The following HDAC9 variants were observed in gnomAD, a reference collection of about 807,000 sequenced individuals.
HDAC9 encodes the protein MEF-2 interacting transcription repressor (MITR) protein.
Under a neutral mutation model 139.4 loss-of-function variants are expected in HDAC9, and 41 were observed. The ratio of observed to expected loss-of-function variants is 0.29; its 90% CI spans 0.23 to 0.38. The LOEUF (loss-of-function observed/expected upper bound fraction) is 0.38, where lower values mean the gene tolerates loss of function less well. Ranked by LOEUF, HDAC9 falls within the 10% of genes least tolerant of loss-of-function variation. HDAC9 has a pLI of 1.00. For missense variants in HDAC9, 1,147 were observed against 1,297.0 expected (o/e 0.88, Z 1.78); for synonymous variants, 517 against 476.2 (o/e 1.09, Z -1.12).
At chr7:18,760,017 A>G (rs552257843) in intron 14 of HDAC9, among the ~76,000 whole-genome samples, 13 of 152,328 alleles carry the variant, frequency 8.5e-5, no homozygotes, top group Admixed American at 5.2e-4. Context: ...TATGATAGTC[A>G]TCAAAACATG....
At chr7:18,130,299 A>G (rs942910027) in intron 1 of HDAC9, among the ~76,000 whole-genome samples, 1 of 152,142 alleles carries the variant, frequency 6.6e-6, no homozygotes, top group Non-Finnish European at 1.5e-5. Context: ...CTCAACCTGT[A>G]TAAAGGCCCT....
chr7:18,822,268 C>G lies in HDAC9; in HGVS notation c.2323-6893C>G, dbSNP rs112987284. Among the ~76,000 whole-genome samples, 1,351 of 152,232 alleles carry G rather than the reference C, an allele frequency of 8.9e-3. 21 individuals are homozygous for G. The highest frequency in any genetic ancestry group is 0.031 in the African/African-American group (1,292 of 41,528). On this transcript the variant is annotated intron_variant, in intron 17 of 25. Coordinates refer to ENST00000686413, the MANE Select transcript of HDAC9 (RefSeq NM_178425.4). Reference sequence around the variant, plus strand: ...TGAGGCTATCCAGGAGCCCCCAGCCCCCAGTCATCTCATTAACATACAAAA... The same window carrying G: ...TGAGGCTATCCAGGAGCCCCCAGCCGCCAGTCATCTCATTAACATACAAAA...
intron 6 of HDAC9, among the ~76,000 whole-genome samples, chr7:18,607,807 TA>T (rs138309381): frequency 0.053 from 8,095 of 152,184 alleles, 386 homozygotes; most frequent in Admixed American, 0.15. Context: ...AGAGGTGTGA[TA>T]AAAATATATT....
intron 1 of HDAC9, among the ~76,000 whole-genome samples, chr7:18,384,226 G>A (rs1785706005): frequency 6.6e-6 from 1 of 152,028 alleles, no homozygotes; most frequent in African/African-American, 2.4e-5. Flanking sequence ...TGGGAGGATT[G>A]CTTGAACCCA....
At chr7:18,707,581 A>G (rs1214132045) in intron 12 of HDAC9, among the ~76,000 whole-genome samples, 1 of 152,244 alleles carries the variant, frequency 6.6e-6, no homozygotes, top group Non-Finnish European at 1.5e-5. Context: ...TCAAGATGCC[A>G]ACCATTATTC....
chr7:18,789,049 A>T (rs965542847), intron 16 of HDAC9, among the ~76,000 whole-genome samples: 1 of 152,142 alleles, frequency 6.6e-6, no homozygotes, highest in African/African-American at 2.4e-5. Flanking sequence ...AAATAATCAT[A>T]TTCTTTCGAT....
chr7:18,745,883 C>CTTTTTTT (rs752292349), intron 13 of HDAC9, among the ~76,000 whole-genome samples: 67 of 99,462 alleles, frequency 6.7e-4, no homozygotes, highest in African/African-American at 1.1e-3. Context: ...TCTTCTTCTT[C>CTTTTTTT]TTTTTTTTTT....
At chr7:18,292,007 A>G (rs925463090) in intron 1 of HDAC9, among the ~76,000 whole-genome samples, 1 of 152,130 alleles carries the variant, frequency 6.6e-6, no homozygotes, top group Non-Finnish European at 1.5e-5. Context: ...GAGGTCTTCC[A>G]GGGCTGCAAG....
At chr7:18,467,980 G>A (rs1794422283) in intron 1 of HDAC9, among the ~76,000 whole-genome samples, 2 of 152,138 alleles carry the variant, frequency 1.3e-5, no homozygotes, top group South Asian at 4.2e-4. Context: ...GGTTATATCT[G>A]TTTTTTTCTT....
chr7:18,551,871 C>T (rs1817250335), intron 2 of HDAC9, among the ~76,000 whole-genome samples: 3 of 152,156 alleles, frequency 2.0e-5, no homozygotes, highest in Admixed American at 6.5e-5. Flanking sequence ...AAGGTAACCA[C>T]TACACTTATT....
In HDAC9 at chr7:18,999,520, A is replaced by C. The variant is rs1180782876; in HGVS notation, c.*3458A>C. On this transcript the variant is annotated 3_prime_UTR_variant, in exon 26 of 26. Transcript: ENST00000686413. Reference sequence around the variant, plus strand: ...TGCCCAGGCTGGAGTGCAATGGCGCAATCTCGACTCACTGCAACCTCCGCC... The same window carrying C: ...TGCCCAGGCTGGAGTGCAATGGCGCCATCTCGACTCACTGCAACCTCCGCC... 3.3e-5 allele frequency: 5 copies of C among 152,194 alleles called. No homozygotes were observed. The highest frequency in any genetic ancestry group is 5.9e-5 in the Non-Finnish European group (4 of 68,066). The allele number at this position is 152,194 out of a possible 1,614,324, so 9.4% of individuals were successfully genotyped here. A position where few individuals can be genotyped will look rare whatever the true frequency, so the allele number is the denominator to read the frequency against.
chr7:18,835,734 G>A, intron 20 of HDAC9, 148 bp downstream of exon 20: 1 of 1,155,628 alleles, frequency 8.7e-7, no homozygotes. Context: ...AACCAGTGCA[G>A]AACAAGTGCA....
At chr7:18,620,580 C>G (rs543393599) in intron 6 of HDAC9, among the ~76,000 whole-genome samples, 209 of 151,318 alleles carry the variant, frequency 1.4e-3, no homozygotes, top group African/African-American at 4.9e-3. Flanking sequence ...CATTCATTCA[C>G]TCCGTAAACT....
At chr7:18,127,828 G>GATT (rs1024404467) in intron 1 of HDAC9, among the ~76,000 whole-genome samples, 2 of 151,772 alleles carry the variant, frequency 1.3e-5, no homozygotes, top group Admixed American at 6.6e-5. Flanking sequence ...TCTAAAATTT[G>GATT]ATTATTATTA....
chr7:18,275,737 G>C (rs1240200204), intron 2 of HDAC9, among the ~76,000 whole-genome samples: 1 of 152,056 alleles, frequency 6.6e-6, no homozygotes, highest in Non-Finnish European at 1.5e-5. Context: ...CCTTCCTCGG[G>C]TGTTTTCTCA....
chr7:18,990,734 G>A (rs558496179), intron 25 of HDAC9, among the ~76,000 whole-genome samples: 126 of 152,330 alleles, frequency 8.3e-4, no homozygotes, highest in African/African-American at 1.4e-3. Flanking sequence ...AGCCATGTGC[G>A]GGATATAATC....
At chr7:18,275,046 C>A (rs1374376640) in intron 2 of HDAC9, among the ~76,000 whole-genome samples, 1 of 152,166 alleles carries the variant, frequency 6.6e-6, no homozygotes, top group African/African-American at 2.4e-5. Flanking sequence ...GCATGTATAT[C>A]CAGATGATCT....
intron 17 of HDAC9, among the ~76,000 whole-genome samples, chr7:18,824,499 A>C (rs77995530): frequency 0.013 from 1,978 of 152,350 alleles, 47 homozygotes; most frequent in African/African-American, 0.045. Context: ...TGGAAGTCCC[A>C]GTGCAGATGA....
chr7:18,699,822 T>C (rs905113110), intron 12 of HDAC9, among the ~76,000 whole-genome samples: 3 of 152,140 alleles, frequency 2.0e-5, no homozygotes, highest in Non-Finnish European at 4.4e-5. Context: ...TCTCCTCTAA[T>C]TCCATAAAAT....
Sources: allele counts gnomAD v4.1 joint callset (sites outside exome capture counted in the v4.1 genomes callset), GRCh38; gene constraint gnomAD v4.1.1; transcripts MANE v1.5; gene names NCBI Gene and HGNC (gene_info 2026-07-23, HGNC 2026-07-21).